KLF8: variants seen among roughly 807,000 people sequenced by gnomAD.
KLF8 encodes Krueppel-like factor 8.
Under a neutral mutation model 18.2 loss-of-function variants are expected in KLF8, and 10 were observed. The ratio of observed to expected loss-of-function variants is 0.55; its 90% CI spans 0.34 to 0.93. KLF8 has a LOEUF of 0.93. Ranked by LOEUF, KLF8 falls within the 40% of genes least tolerant of loss-of-function variation. The probability of loss-of-function intolerance (pLI) is 0.02; values close to 1 mark genes in which losing one functional copy is unlikely to be tolerated. For synonymous variants in KLF8, 109 were observed against 97.3 expected (o/e 1.12, Z -0.71); for missense variants, 264 against 277.9 (o/e 0.95, Z 0.36).
At chrX:56,042,617 T>A in the KLF8 span, among the ~76,000 whole-genome samples, 3 of 112,321 alleles carry the variant, frequency 2.7e-5, no homozygotes, top group African/African-American at 9.7e-5. Flanking sequence ...TTTTAAATCT[T>A]TGTTGGTTTA....
At chrX:55,995,390 G>A in the KLF8 span, among the ~76,000 whole-genome samples, 1 of 112,185 alleles carries the variant, frequency 8.9e-6, no homozygotes, top group South Asian at 3.7e-4. Flanking sequence ...TACATTCAAA[G>A]TTAGTGTTGA....
chrX:56,092,096 G>A, the KLF8 span, among the ~76,000 whole-genome samples: 1 of 101,057 alleles, frequency 9.9e-6, no homozygotes, highest in African/African-American at 3.6e-5. Context: ...AGTTTTTTTT[G>A]TTTCTTGGTT....
the KLF8 span, among the ~76,000 whole-genome samples, chrX:56,111,086 G>A: frequency 8.9e-6 from 1 of 111,783 alleles, no homozygotes; most frequent in East Asian, 2.8e-4. Flanking sequence ...TTGAAGAATA[G>A]TTTTACAGAC....
the KLF8 span, among the ~76,000 whole-genome samples, chrX:56,164,335 G>A: frequency 9.9e-5 from 9 of 91,051 alleles, 1 homozygote; most frequent in Admixed American, 4.0e-4. Flanking sequence ...TAAACAAACC[G>A]TAACACCAAA....
chrX:56,136,965 A>G, the KLF8 span, among the ~76,000 whole-genome samples: 1 of 112,438 alleles, frequency 8.9e-6, no homozygotes, highest in South Asian at 3.7e-4. Context: ...GACACTTCTC[A>G]AAAGGAGACA....
At chrX:56,103,780 T>G in the KLF8 span, among the ~76,000 whole-genome samples, 4 of 111,509 alleles carry the variant, frequency 3.6e-5, no homozygotes, top group Non-Finnish European at 5.7e-5. Flanking sequence ...GGGCATGCCT[T>G]TCTTGTGCCA....
the KLF8 span, among the ~76,000 whole-genome samples, chrX:56,071,672 G>C: frequency 1.8e-5 from 2 of 111,672 alleles, no homozygotes; most frequent in Admixed American, 1.9e-4. Context: ...ATCAACACTA[G>C]AGTTTTACTG....
chrX:56,163,001 G>A, the KLF8 span, among the ~76,000 whole-genome samples: 1 of 112,008 alleles, frequency 8.9e-6, no homozygotes, highest in Non-Finnish European at 1.9e-5. Flanking sequence ...TCATTTTGCG[G>A]CATTTAGGTG....
the KLF8 span, among the ~76,000 whole-genome samples, chrX:56,113,292 C>T: frequency 1.8e-5 from 2 of 108,404 alleles, no homozygotes; most frequent in African/African-American, 6.7e-5. Context: ...TGTAAATAGG[C>T]CATACTTTCA....
At chrX:56,205,569 T>G in the KLF8 span, among the ~76,000 whole-genome samples, 1 of 112,286 alleles carries the variant, frequency 8.9e-6, no homozygotes, top group Admixed American at 9.4e-5. Flanking sequence ...TGCTCATAGT[T>G]TGTTGAGGAT....
chrX:56,010,667 G>T, the KLF8 span, among the ~76,000 whole-genome samples: 3 of 111,930 alleles, frequency 2.7e-5, no homozygotes, highest in African/African-American at 9.7e-5. Context: ...CACAGAATGG[G>T]AAGGTGGATA....
chrX:56,283,216 G>A (rs2067223216), intron 5 of KLF8, among the ~76,000 whole-genome samples: 1 of 110,652 alleles, frequency 9.0e-6, no homozygotes, highest in South Asian at 3.8e-4. Flanking sequence ...AAAGATTCTG[G>A]GCATGGAGCT....
At chrX:56,047,312 A>T in the KLF8 span, among the ~76,000 whole-genome samples, 1 of 109,061 alleles carries the variant, frequency 9.2e-6, no homozygotes, top group Non-Finnish European at 1.9e-5. Flanking sequence ...CATGTGCACA[A>T]TGTGCAGGTT....
the KLF8 span, among the ~76,000 whole-genome samples, chrX:55,945,476 G>A: frequency 5.4e-5 from 6 of 110,371 alleles, no homozygotes; most frequent in East Asian, 1.7e-3. Flanking sequence ...AAGTCTCTTT[G>A]TAGGTCGTAT....
At chrX:56,120,483 G>A in the KLF8 span, among the ~76,000 whole-genome samples, 3 of 111,931 alleles carry the variant, frequency 2.7e-5, no homozygotes, top group African/African-American at 9.7e-5. Flanking sequence ...TGTGCTCTTG[G>A]TTCCTGCATG....
chrX:56,094,047 G>A, the KLF8 span, among the ~76,000 whole-genome samples: 2 of 108,409 alleles, frequency 1.8e-5, no homozygotes, highest in Non-Finnish European at 3.8e-5. Context: ...AGACAAAATA[G>A]GGCAGGAAGA....
At chrX:56,004,608 G>A in the KLF8 span, among the ~76,000 whole-genome samples, 1 of 111,646 alleles carries the variant, frequency 9.0e-6, no homozygotes, top group Non-Finnish European at 1.9e-5. Context: ...AGTGACTGTA[G>A]GGTGGAAGCT....
At chrX:56,201,977 T>G in the KLF8 span, among the ~76,000 whole-genome samples, 1 of 111,462 alleles carries the variant, frequency 9.0e-6, no homozygotes, top group African/African-American at 3.3e-5. Flanking sequence ...CTTACCAATA[T>G]TAAGAATTCA....
chrX:55,957,574 G>A, the KLF8 span, among the ~76,000 whole-genome samples: 1 of 111,999 alleles, frequency 8.9e-6, no homozygotes, highest in Non-Finnish European at 1.9e-5. Context: ...TTTCAGCCAT[G>A]TTTGGTATTT....
Sources: gnomAD v4.1 joint callset for allele counts (sites outside exome capture counted in the v4.1 genomes callset) on GRCh38, gnomAD v4.1.1 for gene constraint, MANE v1.5 for transcripts, NCBI Gene and HGNC (gene_info 2026-07-23, HGNC 2026-07-21) for gene names.